The following RFPL1 variants were observed in gnomAD, a reference collection of about 807,000 sequenced individuals.
RFPL1 encodes the protein ret finger protein like 1, also known as ret finger protein-like 1.
RFPL1 carries 6 observed loss-of-function variants against 9.6 expected under a neutral mutation model. That is an observed-to-expected ratio of 0.62 (90% CI 0.34 to 1.23). The LOEUF is 1.23. Among genes scored for constraint, RFPL1 ranks in the 50% most tolerant of loss-of-function variants. RFPL1 has a pLI of 0.03. For synonymous variants in RFPL1, 145 were observed against 149.4 expected (o/e 0.97, Z 0.22); for missense variants, 352 against 398.4 (o/e 0.88, Z 0.99).
chr22:29,390,582 T>TTTTATTTATTTATTTATTTATTTA, the RFPL1 span, among the ~76,000 whole-genome samples: 305 of 146,928 alleles, frequency 2.1e-3, 6 homozygotes, highest in African/African-American at 7.4e-3. Context: ...CTTATTCCAT[T>TTTTATTTATTTATTTATTTATTTA]TTTATTTATT....
At chr22:29,437,743 CTGTG>C (rs561999472), upstream of RFPL1, 17 of 1,579,212 alleles carry the variant, frequency 1.1e-5, no homozygotes, top group Middle Eastern at 1.8e-4. Context: ...GAGCCCATGC[CTGTG>C]TGTGTGTTTT....
chr22:29,435,405 T>C (rs563067341), upstream of RFPL1, among the ~76,000 whole-genome samples: 39 of 152,312 alleles, frequency 2.6e-4, no homozygotes, highest in Admixed American at 1.3e-3. Context: ...CCTAAGTCAT[T>C]CTCACACTCT....
Position 29,441,429 on chromosome 22 carries a change from A to G in RFPL1, c.374-113A>G, listed in dbSNP as rs2062838274. ...TCATGAAAAGTTTTGATTTTGGGGG[A>G]AGAAGAGAATTAAAGAAACCAAAGT... On this transcript the variant is annotated intron_variant, in intron 1 of 1. Coordinates refer to ENST00000354373, the Ensembl canonical transcript of RFPL1. The G allele has an allele frequency of 4.3e-5, 55 of 1,286,886 alleles. No homozygotes were observed. In the South Asian group the frequency reaches 7.5e-4, roughly 18 times the overall value. 79.7% of individuals were successfully genotyped at this position (1,286,886 alleles called of 1,614,324 possible).
chr22:29,438,621 G>A, exon 1 of RFPL1: 7 of 1,450,948 alleles, frequency 4.8e-6, no homozygotes, highest in Non-Finnish European at 6.4e-6. Flanking sequence ...TGGGTCACCA[G>A]TAGAATGGAC....
At chr22:29,438,802 T>C in exon 1 of RFPL1, 1 of 1,613,232 alleles carries the variant, frequency 6.2e-7, no homozygotes, top group Non-Finnish European at 8.5e-7. Context: ...ATGAAAAGGT[T>C]GTCACTTGTC....
At chr22:29,391,780 C>G in the RFPL1 span, among the ~76,000 whole-genome samples, 1 of 152,314 alleles carries the variant, frequency 6.6e-6, no homozygotes, top group Non-Finnish European at 1.5e-5. Flanking sequence ...GGCCCACCCC[C>G]ACGCCCAGTG....
chr22:29,415,326 T>C, the RFPL1 span, among the ~76,000 whole-genome samples: 1 of 151,924 alleles, frequency 6.6e-6, no homozygotes, highest in Non-Finnish European at 1.5e-5. Flanking sequence ...TCAAATGGAG[T>C]GGGCAAGTTC....
chr22:29,396,841 G>A, the RFPL1 span, among the ~76,000 whole-genome samples: 4 of 150,520 alleles, frequency 2.7e-5, no homozygotes, highest in Non-Finnish European at 5.9e-5. Context: ...CACCCACCTT[G>A]GCCTCCCAAA....
the RFPL1 span, among the ~76,000 whole-genome samples, chr22:29,390,377 G>T: frequency 0.37 from 56,573 of 151,718 alleles, 11,456 homozygotes; most frequent in East Asian, 0.68. Context: ...AGATGTTTAA[G>T]CAGCCTCAAA....
the RFPL1 span, among the ~76,000 whole-genome samples, chr22:29,391,311 G>T: frequency 2.6e-5 from 4 of 152,036 alleles, no homozygotes; most frequent in African/African-American, 9.7e-5. Flanking sequence ...GTAGATGGCC[G>T]CCCTCTTGCT....
the RFPL1 span, among the ~76,000 whole-genome samples, chr22:29,389,627 A>T: frequency 6.8e-6 from 1 of 146,842 alleles, no homozygotes; most frequent in East Asian, 2.1e-4. Flanking sequence ...CAGAGCTTGC[A>T]GTGAGCCGAC....
At chr22:29,402,484 G>C in the RFPL1 span, among the ~76,000 whole-genome samples, 1 of 152,208 alleles carries the variant, frequency 6.6e-6, no homozygotes, top group South Asian at 2.1e-4. Flanking sequence ...GATGAGTTCA[G>C]TCCCTATTTT....
chr22:29,413,857 TA>T, the RFPL1 span, among the ~76,000 whole-genome samples: 3 of 152,230 alleles, frequency 2.0e-5, no homozygotes, highest in Non-Finnish European at 4.4e-5. Flanking sequence ...GAATTTTCTT[TA>T]CAATTAACAT....
At chr22:29,423,027 C>A in the RFPL1 span, 2 of 871,136 alleles carry the variant, frequency 2.3e-6, no homozygotes, top group South Asian at 1.4e-5. Context: ...TGTTTCCAGG[C>A]CTTCATTCCC....
At chr22:29,423,228 T>G in the RFPL1 span, 118 of 1,228,004 alleles carry the variant, frequency 9.6e-5, no homozygotes, top group African/African-American at 1.5e-3. Context: ...TCAGTTATGC[T>G]CCATCCCATC....
At chr22:29,395,673 G>A in the RFPL1 span, among the ~76,000 whole-genome samples, 2 of 152,040 alleles carry the variant, frequency 1.3e-5, no homozygotes, top group African/African-American at 4.8e-5. Context: ...CCGATGCATC[G>A]AAAAAGCCCA....
the RFPL1 span, among the ~76,000 whole-genome samples, chr22:29,429,647 A>C: frequency 6.6e-6 from 1 of 152,220 alleles, no homozygotes; most frequent in Admixed American, 6.5e-5. Flanking sequence ...ACCAATCTCA[A>C]ATAATAAGAT....
chr22:29,393,635 T>C, the RFPL1 span, among the ~76,000 whole-genome samples: 1 of 152,060 alleles, frequency 6.6e-6, no homozygotes, highest in Non-Finnish European at 1.5e-5. Flanking sequence ...AGAAACTCCT[T>C]GCCCTAGGAT....
At chr22:29,419,109 C>A in the RFPL1 span, 1 of 1,364,726 alleles carries the variant, frequency 7.3e-7, no homozygotes, top group Admixed American at 1.7e-5. Flanking sequence ...ATAAACCCTC[C>A]CCTGTCAGCC....
Sources: allele counts gnomAD v4.1 joint callset (sites outside exome capture counted in the v4.1 genomes callset), GRCh38; gene constraint gnomAD v4.1.1; transcripts MANE v1.5; gene names NCBI Gene and HGNC (gene_info 2026-07-23, HGNC 2026-07-21).